The following NCKAP5 variants were observed in gnomAD, a reference collection of about 807,000 sequenced individuals.
The protein encoded by NCKAP5 is NCK associated protein 5.
In NCKAP5, 92 loss-of-function variants were observed where a neutral mutation model predicts 167.0. The observed-to-expected ratio is 0.55, with a 90% CI of 0.47 to 0.66. The LOEUF (loss-of-function observed/expected upper bound fraction) is 0.66, where lower values mean the gene tolerates loss of function less well. NCKAP5 is among the 30% of genes least tolerant of loss of function. The probability of loss-of-function intolerance (pLI) is 0.00; values close to 1 mark genes in which losing one functional copy is unlikely to be tolerated. For synonymous variants in NCKAP5, 891 were observed against 877.4 expected, an observed-to-expected ratio of 1.02 and a Z score of -0.27; for missense variants, 2,378 against 2,315.0, an observed-to-expected ratio of 1.03 and a Z score of -0.56.
intron 3 of NCKAP5, among the ~76,000 whole-genome samples, chr2:133,331,903 G>A (rs1311034797): frequency 6.6e-6 from 1 of 152,202 alleles, no homozygotes; most frequent in Non-Finnish European, 1.5e-5. Flanking sequence ...ATGGAGGTTA[G>A]GCTGTTTCTT....
intron 6 of NCKAP5, among the ~76,000 whole-genome samples, chr2:133,089,357 T>A (rs562053485): frequency 1.3e-5 from 2 of 152,312 alleles, no homozygotes; most frequent in East Asian, 1.9e-4. Context: ...GTCTATTGAG[T>A]TTCATGTGTC....
At chr2:133,362,673 C>T (rs1685191178) in intron 3 of NCKAP5, among the ~76,000 whole-genome samples, 2 of 152,146 alleles carry the variant, frequency 1.3e-5, no homozygotes, top group Non-Finnish European at 2.9e-5. Flanking sequence ...CCATTCATAT[C>T]TTTTTGGATA....
intron 2 of NCKAP5, among the ~76,000 whole-genome samples, chr2:133,547,889 A>T (rs1419004625): frequency 8.8e-5 from 13 of 148,506 alleles, no homozygotes; most frequent in Middle Eastern, 3.5e-3. Flanking sequence ...AATGACTTTG[A>T]CGAGCTGAGA....
intron 6 of NCKAP5, among the ~76,000 whole-genome samples, chr2:133,054,354 A>C (rs2079717086): frequency 6.6e-6 from 1 of 152,192 alleles, no homozygotes; most frequent in South Asian, 2.1e-4. Context: ...GACTAAAGAA[A>C]GGCACAACGT....
At chr2:133,260,779 A>C (rs1033032206) in intron 4 of NCKAP5, among the ~76,000 whole-genome samples, 39 of 152,312 alleles carry the variant, frequency 2.6e-4, no homozygotes, top group African/African-American at 9.4e-4. Context: ...AGTCTGGGAG[A>C]AGGCAAGCTG....
chr2:132,781,194 C>T lies in NCKAP5; in HGVS notation c.4907G>A (p.Gly1636Glu), dbSNP rs746569368. The T allele has an allele frequency of 6.2e-7, 1 of 1,613,882 alleles. No individual in the cohort carries two copies. The highest frequency in any genetic ancestry group is 8.5e-7 in the Non-Finnish European group (1 of 1,179,834). ...ATTCCTGCAGGAAGCATTACTTGAT[C>T]CACTTTCTGTCTGTGGAGCTGCTTT... is the stretch of plus-strand genomic sequence containing the variant. ...DKKAAPQTES[G>E]SSNASCRNVL... is the part of the protein sequence containing the mutation. Residue 1636 changes from glycine (G) to glutamate (E), a missense_variant, in exon 15 of 20, where the codon GGA becomes GAA. By Grantham distance (98) the Gly-to-Glu change is moderately conservative. Around this residue, in one of 3 missense-constraint regions of NCKAP5, gnomAD observed 1,325 missense variants for 1,274.5 expected, o/e 1.04. Coordinates refer to ENST00000409261, the MANE Select transcript of NCKAP5 (RefSeq NM_207363.3).
At chr2:133,518,939 A>G (rs559554545) in intron 2 of NCKAP5, among the ~76,000 whole-genome samples, 10 of 152,360 alleles carry the variant, frequency 6.6e-5, no homozygotes, top group South Asian at 2.1e-4. Flanking sequence ...GTAAATAAAC[A>G]TAGACATTGT....
chr2:133,257,427 G>A (rs773397802), intron 4 of NCKAP5, among the ~76,000 whole-genome samples: 58 of 152,134 alleles, frequency 3.8e-4, no homozygotes, highest in Non-Finnish European at 3.7e-4. Flanking sequence ...GAACAAATGA[G>A]TTATTAATTA....
intron 11 of NCKAP5, among the ~76,000 whole-genome samples, chr2:132,827,051 A>C (rs2105347134): frequency 6.6e-6 from 1 of 152,232 alleles, no homozygotes; most frequent in Non-Finnish European, 1.5e-5. Flanking sequence ...TTTCATGGGG[A>C]GCAGAAGACT....
chr2:133,490,696 C>T (rs1426472409), intron 3 of NCKAP5, among the ~76,000 whole-genome samples: 3 of 152,190 alleles, frequency 2.0e-5, no homozygotes, highest in African/African-American at 7.2e-5. Context: ...ATAGGAGGCA[C>T]CTCATGGGCA....
intron 6 of NCKAP5, among the ~76,000 whole-genome samples, chr2:133,062,088 T>G (rs1299490188): frequency 3.9e-5 from 6 of 152,216 alleles, no homozygotes; most frequent in Non-Finnish European, 5.9e-5. Context: ...ATTCTAGAGA[T>G]GGAACAAGCC....
At chr2:132,826,051 A>G (rs999898997) in intron 11 of NCKAP5, among the ~76,000 whole-genome samples, 2 of 152,194 alleles carry the variant, frequency 1.3e-5, no homozygotes, top group Admixed American at 1.3e-4. Flanking sequence ...GGAGTTTTCA[A>G]TTGCTTATTT....
chr2:133,273,401 T>C (rs2150422786), intron 4 of NCKAP5, among the ~76,000 whole-genome samples: 1 of 152,248 alleles, frequency 6.6e-6, no homozygotes, highest in South Asian at 2.1e-4. Flanking sequence ...TGTCTTTTGA[T>C]TGTTGAGTCA....
At chr2:133,579,283 C>T in the NCKAP5 span, among the ~76,000 whole-genome samples, 1 of 152,134 alleles carries the variant, frequency 6.6e-6, no homozygotes, top group African/African-American at 2.4e-5. Context: ...AAAGTCTCCA[C>T]CAAACTGTAA....
At chr2:133,076,828 G>C (rs1013749644) in intron 6 of NCKAP5, among the ~76,000 whole-genome samples, 4 of 152,160 alleles carry the variant, frequency 2.6e-5, no homozygotes, top group African/African-American at 9.7e-5. Context: ...GTGAAGCAGA[G>C]AGAGCAAAGA....
chr2:133,667,275 G>A, the NCKAP5 span, among the ~76,000 whole-genome samples: 1 of 151,924 alleles, frequency 6.6e-6, no homozygotes, highest in Non-Finnish European at 1.5e-5. Context: ...TGAAACTAGG[G>A]CTGATAACAT....
In NCKAP5 at chr2:132,903,015, C is replaced by T. The variant is rs80321082; in HGVS notation, c.580-24099G>A. Among the ~76,000 whole-genome samples, 476 of 152,266 alleles carry T rather than the reference C, an allele frequency of 3.1e-3. 4 individuals carry two copies. Among genetic ancestry groups the T allele is most frequent in the Admixed American group, 6.3e-3 (96 of 15,302 alleles). On this transcript the variant is annotated intron_variant, in intron 8 of 19. Coordinates refer to ENST00000409261, the MANE Select transcript of NCKAP5 (RefSeq NM_207363.3). ...GCTTATCGACACCCTCACCCTGGGT[C>T]ACTTGCCTCTTTACCATTCAGTTTC...
chr2:133,353,586 T>A (rs1684508655), intron 3 of NCKAP5, among the ~76,000 whole-genome samples: 1 of 152,178 alleles, frequency 6.6e-6, no homozygotes, highest in South Asian at 2.1e-4. Context: ...TTTGTTTTTG[T>A]ACCCAAAAAG....
At chr2:132,745,146 A>G (rs1679530418) in intron 16 of NCKAP5, among the ~76,000 whole-genome samples, 1 of 151,810 alleles carries the variant, frequency 6.6e-6, no homozygotes, top group African/African-American at 2.4e-5. Context: ...ACTCAAAGAC[A>G]TCATACATAG....
Sources: allele counts gnomAD v4.1 joint callset (sites outside exome capture counted in the v4.1 genomes callset), GRCh38; gene constraint gnomAD v4.1.1; regional missense constraint gnomAD v4.1.1; transcripts MANE v1.5; gene names NCBI Gene and HGNC (gene_info 2026-07-23, HGNC 2026-07-21).